Variants in STARD13 observed in about 807,000 individuals in gnomAD.
STARD13 encodes the protein StAR related lipid transfer domain containing 13, also known as stAR-related lipid transfer protein 13.
Under a neutral mutation model 106.4 loss-of-function variants are expected in STARD13, and 62 were observed. The ratio of observed to expected loss-of-function variants is 0.58; its 90% confidence interval spans 0.48 to 0.72. STARD13 has a LOEUF of 0.72. Ranked by LOEUF, STARD13 falls within the 30% of genes least tolerant of loss-of-function variation. STARD13 has a pLI of 0.00. For missense variants in STARD13, 1,387 were observed against 1,424.0 expected (o/e 0.97, Z 0.42); for synonymous variants, 565 against 553.0 (o/e 1.02, Z -0.31).
chr13:33,650,322 C>T, the STARD13 span, among the ~76,000 whole-genome samples: 1 of 148,360 alleles, frequency 6.7e-6, no homozygotes, highest in Admixed American at 6.7e-5. Context: ...TCCCAAGTAG[C>T]TGGGACTACA....
the STARD13 span, among the ~76,000 whole-genome samples, chr13:33,451,105 C>G: frequency 8.5e-5 from 13 of 152,128 alleles, no homozygotes; most frequent in African/African-American, 3.1e-4. Context: ...GTTTTGAACT[C>G]CTGGGCTCAA....
the STARD13 span, among the ~76,000 whole-genome samples, chr13:33,655,639 T>C: frequency 6.6e-6 from 1 of 152,230 alleles, no homozygotes; most frequent in Non-Finnish European, 1.5e-5. Context: ...TAGTACTAGA[T>C]GTAAGCCCTT....
chr13:33,574,288 T>A, the STARD13 span, among the ~76,000 whole-genome samples: 1 of 152,238 alleles, frequency 6.6e-6, no homozygotes, highest in Non-Finnish European at 1.5e-5. Context: ...ATCGACAAAC[T>A]TTTTAACACA....
chr13:33,323,728 C>A (rs1391493647), intron 1 of STARD13, among the ~76,000 whole-genome samples: 1 of 152,186 alleles, frequency 6.6e-6, no homozygotes, highest in East Asian at 1.9e-4. Context: ...TGGATTCTGG[C>A]AGAAAACATA....
chr13:33,337,239 G>A (rs1023882292), intron 1 of STARD13, among the ~76,000 whole-genome samples: 1 of 152,076 alleles, frequency 6.6e-6, no homozygotes, highest in Non-Finnish European at 1.5e-5. Context: ...CCTTTTCTGA[G>A]TAAGTACCCT....
chr13:33,167,428 A>T (rs1883448245), intron 2 of STARD13, 123 bp downstream of exon 2: 1 of 935,840 alleles, frequency 1.1e-6, no homozygotes, highest in Non-Finnish European at 1.6e-6. Flanking sequence ...AGGCCGAGGG[A>T]AAAAGAAAGC....
intron 1 of STARD13, among the ~76,000 whole-genome samples, chr13:33,182,989 C>T (rs954213257): frequency 1.3e-5 from 2 of 152,210 alleles, no homozygotes; most frequent in Non-Finnish European, 2.9e-5. Context: ...GTTGCATATC[C>T]CACGCCTGTG....
At chr13:33,599,161 T>A in the STARD13 span, among the ~76,000 whole-genome samples, 2 of 152,220 alleles carry the variant, frequency 1.3e-5, no homozygotes, top group African/African-American at 4.8e-5. Context: ...AAACCAAGTT[T>A]ATTTATCCCC....
At chr13:33,363,046 TCCA>T in the STARD13 span, among the ~76,000 whole-genome samples, 9 of 152,220 alleles carry the variant, frequency 5.9e-5, no homozygotes, top group Non-Finnish European at 1.2e-4. Flanking sequence ...TTGTCTCCAC[TCCA>T]CTTCACCCAT....
At chr13:33,467,515 A>G in the STARD13 span, among the ~76,000 whole-genome samples, 1 of 152,162 alleles carries the variant, frequency 6.6e-6, no homozygotes, top group East Asian at 1.9e-4. Context: ...GTATTTGTCC[A>G]TGGTCCAGGG....
At chr13:33,436,816 G>T in the STARD13 span, among the ~76,000 whole-genome samples, 1 of 151,894 alleles carries the variant, frequency 6.6e-6, no homozygotes, top group African/African-American at 2.4e-5. Context: ...TTTTACTTTG[G>T]GTTTCACATT....
At chr13:33,481,170 A>G in the STARD13 span, among the ~76,000 whole-genome samples, 2 of 152,192 alleles carry the variant, frequency 1.3e-5, no homozygotes, top group Non-Finnish European at 2.9e-5. Flanking sequence ...TTCCTTTCCA[A>G]TATGAATTGT....
At chr13:33,524,181 G>T in the STARD13 span, 1 of 1,015,886 alleles carries the variant, frequency 9.8e-7, no homozygotes, top group Non-Finnish European at 1.3e-6. Context: ...GAATTACACC[G>T]TATGAACAGG....
chr13:33,273,477 A>G (rs1891261445), intron 1 of STARD13, among the ~76,000 whole-genome samples: 1 of 152,248 alleles, frequency 6.6e-6, no homozygotes, highest in African/African-American at 2.4e-5. Context: ...ACTTAAGAGT[A>G]TACATATTCC....
chr13:33,451,046 C>T, the STARD13 span, among the ~76,000 whole-genome samples: 3 of 152,060 alleles, frequency 2.0e-5, no homozygotes, highest in African/African-American at 7.2e-5. Context: ...CCAGGCCTGG[C>T]TAATTTTTTA....
chr13:33,286,941 T>C (rs1026886099), upstream of STARD13, among the ~76,000 whole-genome samples: 3 of 152,098 alleles, frequency 2.0e-5, no homozygotes, highest in Non-Finnish European at 4.4e-5. Context: ...GTGACATATA[T>C]GTATATGTCA....
At position 33,129,385 on chromosome 13, in the gene STARD13, A is replaced by G; in HGVS notation, c.1292T>C (p.Ile431Thr). Reference sequence around the variant, plus strand: ...AGGGACCTGCTCTCTGCCCAGGGAGATGCTACCGGTCCTCCAATTAACCCC... The same window carrying G: ...AGGGACCTGCTCTCTGCCCAGGGAGGTGCTACCGGTCCTCCAATTAACCCC... ...SNGVNWRTGS[I>T]SLGREQVPGA... Residue 431 changes from isoleucine (I) to threonine (T), a missense_variant, in exon 5 of 14, where the codon ATC becomes ACC. Coordinates refer to ENST00000336934, the MANE Select transcript of STARD13 (RefSeq NM_178006.4). 4 of 1,614,032 alleles carry G rather than the reference A, an allele frequency of 2.5e-6. 1 individual carries two copies. In the South Asian group the frequency reaches 3.3e-5, roughly 13 times the overall value.
At chr13:33,178,966 A>T (rs1303351322) in intron 1 of STARD13, among the ~76,000 whole-genome samples, 5 of 152,238 alleles carry the variant, frequency 3.3e-5, no homozygotes, top group Admixed American at 6.5e-5. Context: ...TAGCAAATTT[A>T]CCAAAAGAGC....
At chr13:33,128,333 C>T (rs957607290) in intron 5 of STARD13, among the ~76,000 whole-genome samples, 1 of 152,138 alleles carries the variant, frequency 6.6e-6, no homozygotes, top group Non-Finnish European at 1.5e-5. Flanking sequence ...ATGAGAGGTA[C>T]AGAGGTGACA....
Sources: allele counts gnomAD v4.1 joint callset (sites outside exome capture counted in the v4.1 genomes callset), GRCh38; gene constraint gnomAD v4.1.1; transcripts MANE v1.5; gene names NCBI Gene and HGNC (gene_info 2026-07-23, HGNC 2026-07-21).